Variants in MGAT4C observed in about 807,000 individuals in gnomAD.
MGAT4C encodes the protein alpha-1,3-mannosyl-glycoprotein 4-beta-N-acetylglucosaminyltransferase C.
A neutral mutation model predicts 40.1 loss-of-function variants in MGAT4C; 19 were observed. The ratio of observed to expected loss-of-function variants is 0.47; its 90% CI spans 0.33 to 0.70. MGAT4C has a LOEUF of 0.70. MGAT4C is among the 30% of genes least tolerant of loss of function. The pLI is 0.02. For synonymous variants in MGAT4C, 181 were observed against 187.1 expected, an observed-to-expected ratio of 0.97 and a Z score of 0.27; for missense variants, 491 against 563.2, an observed-to-expected ratio of 0.87 and a Z score of 1.30.
At chr12:86,716,056 C>G (rs1950640645) in intron 2 of MGAT4C, among the ~76,000 whole-genome samples, 1 of 152,048 alleles carries the variant, frequency 6.6e-6, no homozygotes, top group Non-Finnish European at 1.5e-5. Flanking sequence ...AGGCAGATAA[C>G]TATATAATAT....
chr12:86,693,586 T>G (rs1186634626), intron 2 of MGAT4C, among the ~76,000 whole-genome samples: 4 of 152,142 alleles, frequency 2.6e-5, no homozygotes, highest in Non-Finnish European at 5.9e-5. Context: ...ATTTGGTATA[T>G]GATAGAGAAT....
At chr12:86,783,567 C>T (rs1951882084) in intron 1 of MGAT4C, among the ~76,000 whole-genome samples, 1 of 152,008 alleles carries the variant, frequency 6.6e-6, no homozygotes, top group Non-Finnish European at 1.5e-5. Context: ...TATTTGTTTT[C>T]TCTTTTCATT....
In MGAT4C at chr12:86,231,089, G is replaced by A. The variant is rs112293050; in HGVS notation, c.-57+25150C>T. Among the ~76,000 whole-genome samples, 504 of 152,114 alleles carry A rather than the reference G, an allele frequency of 3.3e-3. 2 individuals carry two copies. The highest frequency in any genetic ancestry group is 0.012 in the African/African-American group (487 of 41,490). On this transcript the variant is annotated intron_variant, in intron 1 of 4. Transcript: ENST00000611864. The stretch of plus-strand genomic sequence containing the variant: ...TTATGCCTCGAGTTTTAATATCATC[G>A]ATGGTCTGGTAATCAGACATAATGT...
chr12:86,268,618 T>C (rs758644797), intron 4 of MGAT4C, among the ~76,000 whole-genome samples: 18 of 141,460 alleles, frequency 1.3e-4, no homozygotes, highest in Non-Finnish European at 2.7e-4. Flanking sequence ...TTTGTTGTAG[T>C]TATTTAATTG....
intron 1 of MGAT4C, among the ~76,000 whole-genome samples, chr12:86,207,050 A>T (rs1379764044): frequency 6.6e-6 from 1 of 152,104 alleles, no homozygotes; most frequent in Non-Finnish European, 1.5e-5. Context: ...CTTTACAGTT[A>T]TAGAAAAAAA....
chr12:86,128,627 G>A (rs2135704844), intron 1 of MGAT4C, among the ~76,000 whole-genome samples: 1 of 152,022 alleles, frequency 6.6e-6, no homozygotes, highest in East Asian at 1.9e-4. Flanking sequence ...CAAAATACGT[G>A]GATCTGTGTT....
At chr12:86,182,579 T>C (rs1036425247) in intron 1 of MGAT4C, among the ~76,000 whole-genome samples, 1 of 151,788 alleles carries the variant, frequency 6.6e-6, no homozygotes, top group Non-Finnish European at 1.5e-5. Context: ...CTTCCTTTCT[T>C]CTTTCTTCTC....
intron 1 of MGAT4C, among the ~76,000 whole-genome samples, chr12:86,828,321 C>T (rs910765522): frequency 1.5e-4 from 22 of 150,464 alleles, no homozygotes; most frequent in African/African-American, 3.6e-4. Flanking sequence ...ATTTTTACTC[C>T]GAGATATGTT....
At chr12:86,492,177 C>T (rs1170383733) in intron 2 of MGAT4C, among the ~76,000 whole-genome samples, 4 of 152,184 alleles carry the variant, frequency 2.6e-5, no homozygotes, top group Non-Finnish European at 4.4e-5. Context: ...ACATTCCATG[C>T]TCCTGGGTAG....
chr12:86,720,039 A>G (rs909577580), intron 2 of MGAT4C, among the ~76,000 whole-genome samples: 1 of 152,142 alleles, frequency 6.6e-6, no homozygotes, highest in African/African-American at 2.4e-5. Flanking sequence ...ATTATAAAAC[A>G]TGTCTTAATT....
chr12:86,414,321 T>C (rs1049415810), intron 3 of MGAT4C, among the ~76,000 whole-genome samples: 4 of 152,278 alleles, frequency 2.6e-5, no homozygotes, highest in African/African-American at 9.6e-5. Context: ...TCGGCATTAG[T>C]CAATACAGTG....
At chr12:86,773,096 G>T (rs1951666893) in intron 1 of MGAT4C, among the ~76,000 whole-genome samples, 1 of 152,088 alleles carries the variant, frequency 6.6e-6, no homozygotes, top group Admixed American at 6.6e-5. Context: ...TATATTGCAG[G>T]CTTAATCCCT....
intron 3 of MGAT4C, among the ~76,000 whole-genome samples, chr12:86,416,656 T>G (rs934247448): frequency 6.6e-6 from 1 of 152,094 alleles, no homozygotes; most frequent in African/African-American, 2.4e-5. Flanking sequence ...GCACTTGATA[T>G]AGATCTCATG....
chr12:86,533,327 C>T (rs1358366746), intron 2 of MGAT4C, among the ~76,000 whole-genome samples: 1 of 151,992 alleles, frequency 6.6e-6, no homozygotes, highest in Non-Finnish European at 1.5e-5. Flanking sequence ...ATTTTTCAAA[C>T]AACTTTCTAC....
chr12:86,536,083 A>G (rs1210762461), intron 2 of MGAT4C, among the ~76,000 whole-genome samples: 1 of 152,096 alleles, frequency 6.6e-6, no homozygotes, highest in African/African-American at 2.4e-5. Context: ...AAGTTCTATG[A>G]CTACTTTAAA....
intron 2 of MGAT4C, among the ~76,000 whole-genome samples, chr12:86,444,732 T>C (rs180769500): frequency 3.0e-4 from 45 of 152,330 alleles, no homozygotes; most frequent in African/African-American, 1.0e-3. Context: ...AAGTTTACCA[T>C]AGTAACTATT....
At chr12:86,405,547 C>CACAAAAAATATATATTATATAT (rs1956447411) in intron 3 of MGAT4C, among the ~76,000 whole-genome samples, 3 of 151,938 alleles carry the variant, frequency 2.0e-5, no homozygotes, top group Admixed American at 2.0e-4. Flanking sequence ...GTAAAGATTT[C>CACAAAAAATATATATTATATAT]AACTCTCTCA....
chr12:86,788,789 A>C (rs947671091), intron 1 of MGAT4C, among the ~76,000 whole-genome samples: 6 of 152,184 alleles, frequency 3.9e-5, no homozygotes, highest in Non-Finnish European at 8.8e-5. Flanking sequence ...ATTTCAAAAC[A>C]TCATTATGTA....
In MGAT4C at chr12:85,986,864, T is replaced by C. The variant is rs368931871; in HGVS notation, c.147+2536A>G. Among the ~76,000 whole-genome samples the C allele has an allele frequency of 4.4e-4, 67 of 152,272 alleles. No homozygotes were observed. In the East Asian group the frequency reaches 6.2e-3, roughly 14 times the overall value. ...ATTCTTGGAGGGGGCCAGTTTCCCA[T>C]GGATACTATTCATTTTTAGAAGAAT... On this transcript the variant is annotated intron_variant, in intron 3 of 4. Coordinates refer to ENST00000611864, the MANE Select transcript of MGAT4C (RefSeq NM_001351288.2).
Sources: allele counts gnomAD v4.1 joint callset (sites outside exome capture counted in the v4.1 genomes callset), GRCh38; gene constraint gnomAD v4.1.1; transcripts MANE v1.5; gene names NCBI Gene and HGNC (gene_info 2026-07-23, HGNC 2026-07-21).